The following ADCY1 variants were observed in gnomAD, a reference collection of about 807,000 sequenced individuals.
ADCY1 encodes the protein adenylate cyclase 1.
A neutral mutation model predicts 105.4 loss-of-function variants in ADCY1; 28 were observed. That is an observed-to-expected ratio of 0.27 (90% CI 0.20 to 0.36). ADCY1 has a LOEUF of 0.36. ADCY1 is among the 10% of genes least tolerant of loss of function. The pLI, the probability that ADCY1 is intolerant of heterozygous loss-of-function variation, is 1.00. For missense variants in ADCY1, 977 were observed against 1,434.2 expected, an observed-to-expected ratio of 0.68 and a Z score of 5.15; for synonymous variants, 655 against 623.8, an observed-to-expected ratio of 1.05 and a Z score of -0.75.
intron 4 of ADCY1, among the ~76,000 whole-genome samples, chr7:45,628,233 C>A (rs1419860316): frequency 6.6e-6 from 1 of 152,214 alleles, no homozygotes; most frequent in Non-Finnish European, 1.5e-5. Context: ...GCCACTAGGC[C>A]TCAGAGGTGG....
intron 4 of ADCY1, among the ~76,000 whole-genome samples, chr7:45,643,544 A>AT (rs1046264438): frequency 6.6e-6 from 1 of 150,884 alleles, no homozygotes; most frequent in South Asian, 2.1e-4. Context: ...TCAAATATGC[A>AT]TTTTCTCATC....
chr7:45,594,368 G>A (rs1584255671), intron 2 of ADCY1, among the ~76,000 whole-genome samples: 1 of 152,170 alleles, frequency 6.6e-6, no homozygotes, highest in African/African-American at 2.4e-5. Context: ...TTTCTGGGAG[G>A]CATATAGCCT....
rs1794691361 is a variant in ADCY1 at position 45,647,394 on chromosome 7, T to G, written c.1021-1276T>G. On this transcript the variant is annotated intron_variant, in intron 4 of 19. Coordinates refer to ENST00000297323, the MANE Select transcript of ADCY1 (RefSeq NM_021116.4). This position sits in a 1 kb window ranked among gnomAD's most constrained non-coding sequence, Gnocchi z 4.6. ...CTGATGATTCTCATTCCAAATGCAC[T>G]TGTGTTAACTCAGCATTCGACAGGA... is the stretch of plus-strand genomic sequence containing the variant. 6.6e-6 allele frequency among the ~76,000 whole-genome samples: 1 copy of G among 152,192 alleles called. No individual in the cohort carries two copies. The highest frequency in any genetic ancestry group is 2.4e-5 in the African/African-American group (1 of 41,446).
rs17172603 is a variant in ADCY1, at chr7:45,718,506, G to T, written c.*4511G>T. ...TTAGGCCTTCAAATTGAGCTTGGGG[G>T]TGTCCAAGAGAGGGGTCTTATTCGA... On this transcript the variant is annotated 3_prime_UTR_variant, in exon 20 of 20. Coordinates refer to ENST00000297323, the MANE Select transcript of ADCY1 (RefSeq NM_021116.4). The T allele has an allele frequency of 0.048, 7,264 of 152,306 alleles. 309 individuals are homozygous for T. The highest frequency in any genetic ancestry group is 0.12 in the African/African-American group (4,830 of 41,498). 9.4% of individuals were successfully genotyped at this position (152,306 alleles called of 1,614,324 possible).
At chr7:45,694,231 A>AC (rs1784838898) in intron 14 of ADCY1, among the ~76,000 whole-genome samples, 1 of 152,216 alleles carries the variant, frequency 6.6e-6, no homozygotes, top group Non-Finnish European at 1.5e-5. Context: ...ATAAGTATGA[A>AC]CAGTACAGCA....
chr7:45,642,237 G>T (rs967889220), intron 4 of ADCY1, among the ~76,000 whole-genome samples: 3 of 152,134 alleles, frequency 2.0e-5, no homozygotes, highest in Non-Finnish European at 4.4e-5. Flanking sequence ...GGTGGGGCAG[G>T]TTAAGCAGCT....
intron 4 of ADCY1, among the ~76,000 whole-genome samples, chr7:45,644,223 G>C (rs368348045): frequency 1.2e-4 from 19 of 152,202 alleles, no homozygotes; most frequent in African/African-American, 4.6e-4. Context: ...GGACTCTACT[G>C]TTTTAGAGCT....
Position 45,698,266 on chromosome 7 carries a change from G to A in ADCY1, c.2455-5110G>A, listed in dbSNP as rs192320768. On this transcript the variant is annotated intron_variant, in intron 14 of 19. Coordinates refer to ENST00000297323, the MANE Select transcript of ADCY1 (RefSeq NM_021116.4). Reference sequence around the variant, plus strand: ...CCTGCATCCACACATTGTAACTGCAGCATTTGAAGGCTTATTCTCTCATTT... The same window carrying A: ...CCTGCATCCACACATTGTAACTGCAACATTTGAAGGCTTATTCTCTCATTT... 1.8e-3 allele frequency among the ~76,000 whole-genome samples: 267 copies of A among 152,188 alleles called. 1 individual carries two copies. The highest frequency in any genetic ancestry group is 6.8e-3 in the Middle Eastern group (2 of 294).
At chr7:45,625,730 T>C (rs1562694566) in intron 4 of ADCY1, among the ~76,000 whole-genome samples, 1 of 152,138 alleles carries the variant, frequency 6.6e-6, no homozygotes, top group African/African-American at 2.4e-5. Context: ...GTGCCTTGTG[T>C]GTCCCCTGTG....
At chr7:45,626,998 C>T (rs1158389980) in intron 4 of ADCY1, among the ~76,000 whole-genome samples, 1 of 152,142 alleles carries the variant, frequency 6.6e-6, no homozygotes, top group African/African-American at 2.4e-5. Flanking sequence ...GGGGCTGGAC[C>T]TGTTTCTTCT....
intron 3 of ADCY1, among the ~76,000 whole-genome samples, chr7:45,610,897 TGGGGAG>T (rs1793555786): frequency 3.4e-4 from 1 of 2,964 alleles, no homozygotes; most frequent in Non-Finnish European, 6.9e-4. Context: ...ATGGTGGAGG[TGGGGAG>T]GTGATAATGG....
chr7:45,696,588 C>T (rs1032345512), intron 14 of ADCY1, among the ~76,000 whole-genome samples: 8 of 152,014 alleles, frequency 5.3e-5, no homozygotes, highest in Non-Finnish European at 1.5e-5. Context: ...GTTGTGGAAA[C>T]AAGGGAGCTT....
chr7:45,602,966 C>T (rs1020757788), intron 2 of ADCY1, among the ~76,000 whole-genome samples: 2 of 152,186 alleles, frequency 1.3e-5, no homozygotes, highest in African/African-American at 4.8e-5. Context: ...TATACCCACA[C>T]CTGCCCTCCA....
At chr7:45,622,790 T>G in intron 4 of ADCY1, 47 bp downstream of exon 4, 1 of 1,483,842 alleles carries the variant, frequency 6.7e-7, no homozygotes, top group African/African-American at 1.4e-5. Flanking sequence ...GAATTGCTTC[T>G]GGAGTGACGA....
At chr7:45,678,136 C>T in intron 9 of ADCY1, 30 bp from the exon 10 acceptor site, 1 of 1,613,986 alleles carries the variant, frequency 6.2e-7, no homozygotes, top group Non-Finnish European at 8.5e-7. Flanking sequence ...AAGCCCTCAG[C>T]CCTGATGGAT....
intron 6 of ADCY1, 25 bp downstream of exon 6, chr7:45,657,910 GGGA>G: frequency 1.3e-6 from 2 of 1,557,016 alleles, no homozygotes; most frequent in Admixed American, 1.8e-5. Context: ...GGGTGGGGAG[GGGA>G]GGGAGGTGGG....
intron 5 of ADCY1, among the ~76,000 whole-genome samples, chr7:45,651,871 G>C (rs1794821090): frequency 6.6e-6 from 1 of 152,184 alleles, no homozygotes; most frequent in South Asian, 2.1e-4. Context: ...TTCCAGGCTT[G>C]GGGAATTCTG....
At position 45,642,156 on chromosome 7, in the gene ADCY1, C is replaced by A. The variant is rs796775650; in HGVS notation, c.1021-6514C>A. ...AGGGCCACACAGTGAGCACCCAGGT[C>A]ATCAGCAGGCAGAAGGAGGAAGGAG... On this transcript the variant is annotated intron_variant, in intron 4 of 19. Coordinates refer to ENST00000297323, the MANE Select transcript of ADCY1 (RefSeq NM_021116.4). Among the ~76,000 whole-genome samples the A allele has an allele frequency of 3.7e-4, 56 of 152,168 alleles. 1 individual carries two copies. The highest frequency in any genetic ancestry group is 1.3e-3 in the African/African-American group (55 of 41,528).
chr7:45,702,776 G>C (rs1785022437), intron 14 of ADCY1, among the ~76,000 whole-genome samples: 1 of 152,238 alleles, frequency 6.6e-6, no homozygotes, highest in South Asian at 2.1e-4. Flanking sequence ...CCCATGGTGG[G>C]ACCCTTTGGG....
Sources: allele counts gnomAD v4.1 joint callset (sites outside exome capture counted in the v4.1 genomes callset), GRCh38; gene constraint gnomAD v4.1.1; non-coding constraint Gnocchi (gnomAD v3.1); transcripts MANE v1.5; gene names NCBI Gene and HGNC (gene_info 2026-07-23, HGNC 2026-07-21).